DGKB: variants seen among roughly 807,000 people sequenced by gnomAD.
DGKB encodes diacylglycerol kinase beta, also known as 90 kDa diacylglycerol kinase.
A neutral mutation model predicts 114.3 loss-of-function variants in DGKB; 67 were observed. The observed-to-expected ratio is 0.59, with a 90% CI of 0.48 to 0.72. The LOEUF is 0.72. Ranked by LOEUF, DGKB falls within the 30% of genes least tolerant of loss-of-function variation. The pLI is 0.00. For missense variants in DGKB, 907 were observed against 975.2 expected, an observed-to-expected ratio of 0.93 and a Z score of 0.93; for synonymous variants, 398 against 323.1, an observed-to-expected ratio of 1.23 and a Z score of -2.49.
chr7:14,484,546 T>A (rs1464951741), intron 20 of DGKB, among the ~76,000 whole-genome samples: 2 of 152,200 alleles, frequency 1.3e-5, no homozygotes, highest in Non-Finnish European at 1.5e-5. Flanking sequence ...AGGCACCTGT[T>A]GCCCCTTTGC....
At chr7:14,756,718 C>T (rs530146955) in intron 3 of DGKB, among the ~76,000 whole-genome samples, 27 of 151,594 alleles carry the variant, frequency 1.8e-4, no homozygotes, top group African/African-American at 5.1e-4. Flanking sequence ...TGAAAGATAA[C>T]TAAGAAGTGT....
At chr7:14,424,402 T>A (rs905256280) in intron 21 of DGKB, among the ~76,000 whole-genome samples, 3 of 141,698 alleles carry the variant, frequency 2.1e-5, no homozygotes, top group Admixed American at 2.1e-4. Context: ...ATTTTCTTCA[T>A]CTTTTTTTTT....
intron 14 of DGKB, among the ~76,000 whole-genome samples, chr7:14,626,794 TATA>T (rs1344499461): frequency 6.6e-6 from 1 of 152,182 alleles, no homozygotes; most frequent in East Asian, 1.9e-4. Flanking sequence ...TAAAGATAAA[TATA>T]ATAAACGATA....
At chr7:14,821,512 G>A (rs1244714298) in intron 2 of DGKB, among the ~76,000 whole-genome samples, 1 of 152,108 alleles carries the variant, frequency 6.6e-6, no homozygotes, top group Non-Finnish European at 1.5e-5. Context: ...ACTGAAAGGT[G>A]AAAAGGAAGC....
chr7:14,171,697 T>C (rs1204927366), intron 25 of DGKB, among the ~76,000 whole-genome samples: 2 of 152,218 alleles, frequency 1.3e-5, no homozygotes, highest in African/African-American at 2.4e-5. Flanking sequence ...TGTATTTATA[T>C]ATAAAAATAT....
rs145377182 is a variant in DGKB at position 14,568,809 on chromosome 7, C to T, written c.1770+5403G>A. ...GCAAGGTTCTTTGTATATTGTACAG[C>T]GCTAGCTGTCAGTAAATAAGGGACG... On this transcript the variant is annotated intron_variant, in intron 20 of 25. Transcript: ENST00000402815. Among the ~76,000 whole-genome samples, 20 of 152,254 alleles carry T rather than the reference C, an allele frequency of 1.3e-4. No homozygotes were observed. The East Asian group carries it at 3.3e-3, about 25-fold the overall frequency.
At chr7:14,584,948 C>A (rs1331038646) in intron 17 of DGKB, among the ~76,000 whole-genome samples, 1 of 152,108 alleles carries the variant, frequency 6.6e-6, no homozygotes, top group Non-Finnish European at 1.5e-5. Context: ...GTGTGAGCCA[C>A]CTTGCCGGGC....
At chr7:14,574,978 T>A (rs1488324980) in intron 19 of DGKB, among the ~76,000 whole-genome samples, 2 of 152,154 alleles carry the variant, frequency 1.3e-5, no homozygotes, top group Non-Finnish European at 2.9e-5. Flanking sequence ...CTAATACTAC[T>A]TCCCAGTGCT....
chr7:14,951,814 G>C (rs1021371661), intron 1 of DGKB, among the ~76,000 whole-genome samples: 9 of 151,724 alleles, frequency 5.9e-5, no homozygotes, highest in Admixed American at 2.0e-4. Flanking sequence ...AAACATTAAA[G>C]TGCTCAAATA....
intron 25 of DGKB, among the ~76,000 whole-genome samples, chr7:14,173,241 G>T (rs1274775057): frequency 6.6e-6 from 1 of 152,026 alleles, no homozygotes; most frequent in East Asian, 1.9e-4. Flanking sequence ...AAGCTCTTTG[G>T]TTTTTTCTTT....
chr7:14,933,848 G>A (rs978453953), intron 1 of DGKB, among the ~76,000 whole-genome samples: 2 of 151,988 alleles, frequency 1.3e-5, no homozygotes, highest in African/African-American at 4.8e-5. Context: ...AAGTTCCTCT[G>A]TTTGGTTGAT....
intron 21 of DGKB, among the ~76,000 whole-genome samples, chr7:14,397,656 C>T (rs965662940): frequency 1.3e-5 from 2 of 152,074 alleles, no homozygotes; most frequent in African/African-American, 4.8e-5. Flanking sequence ...GTCCAGTGGA[C>T]ACTTCTTTGT....
chr7:14,225,246 C>T (rs895009363), intron 23 of DGKB, among the ~76,000 whole-genome samples: 1 of 152,076 alleles, frequency 6.6e-6, no homozygotes, highest in Non-Finnish European at 1.5e-5. Context: ...AGCCTTCAAA[C>T]TGGCATGGGG....
chr7:14,166,467 A>G (rs921946834), intron 25 of DGKB, among the ~76,000 whole-genome samples: 1 of 152,204 alleles, frequency 6.6e-6, no homozygotes, highest in African/African-American at 2.4e-5. Context: ...GCACGCAGGT[A>G]GTTCTAGCTA....
intron 21 of DGKB, among the ~76,000 whole-genome samples, chr7:14,434,295 A>G (rs1373649545): frequency 6.6e-6 from 1 of 152,112 alleles, no homozygotes; most frequent in Non-Finnish European, 1.5e-5. Flanking sequence ...ACAACCTATA[A>G]ATATGTTTCC....
intron 25 of DGKB, among the ~76,000 whole-genome samples, chr7:14,155,835 T>C (rs183283883): frequency 1.8e-3 from 273 of 152,226 alleles, no homozygotes; most frequent in African/African-American, 6.0e-3. Flanking sequence ...TTGGTGAACC[T>C]ACTGTTGAGG....
At position 14,436,912 on chromosome 7, in the gene DGKB, A is replaced by T. The variant is rs1330592665; in HGVS notation, c.1835+41249T>A. On this transcript the variant is annotated intron_variant, in intron 21 of 25. Transcript: ENST00000402815. ...CCCCAGAGTAAAATTAGCTAGGTGAATTATTAAAAACTATATTATAGTTAA... is the reference window on the plus strand; with the variant it reads ...CCCCAGAGTAAAATTAGCTAGGTGATTTATTAAAAACTATATTATAGTTAA... 4.6e-5 allele frequency among the ~76,000 whole-genome samples: 7 copies of T among 152,258 alleles called. No individual in the cohort carries two copies. The East Asian group carries it at 1.4e-3, about 29-fold the overall frequency.
At chr7:14,283,692 C>A (rs896811157) in intron 23 of DGKB, among the ~76,000 whole-genome samples, 2 of 151,872 alleles carry the variant, frequency 1.3e-5, no homozygotes, top group Non-Finnish European at 2.9e-5. Context: ...AAGAACAGAG[C>A]CCTGAGAAAT....
At chr7:14,786,902 G>A (rs73276072) in intron 2 of DGKB, among the ~76,000 whole-genome samples, 10,234 of 152,266 alleles carry the variant, frequency 0.067, 1,046 homozygotes, top group African/African-American at 0.23. Context: ...AGATGACGGG[G>A]TGACTGCCTG....
Sources: allele counts gnomAD v4.1 joint callset (sites outside exome capture counted in the v4.1 genomes callset), GRCh38; gene constraint gnomAD v4.1.1; transcripts MANE v1.5; gene names NCBI Gene and HGNC (gene_info 2026-07-23, HGNC 2026-07-21).